TAFA2: variants seen among roughly 807,000 people sequenced by gnomAD.
The protein encoded by TAFA2 is TAFA chemokine like family member 2.
A neutral mutation model predicts 18.8 loss-of-function variants in TAFA2; 7 were observed. The ratio of observed to expected loss-of-function variants is 0.37; its 90% confidence interval spans 0.21 to 0.70. The LOEUF is 0.70. TAFA2 is among the 30% of genes least tolerant of loss of function. The pLI is 0.53. For missense variants in TAFA2, 122 were observed against 158.1 expected (o/e 0.77, Z 1.23); for synonymous variants, 60 against 54.2 (o/e 1.11, Z -0.47).
chr12:62,018,314 A>C (rs896376822), intron 1 of TAFA2, among the ~76,000 whole-genome samples: 2 of 152,222 alleles, frequency 1.3e-5, no homozygotes, highest in Non-Finnish European at 2.9e-5. Context: ...CCCCAGTATT[A>C]TTATTCTCCT....
intron 2 of TAFA2, among the ~76,000 whole-genome samples, chr12:61,761,865 T>C (rs1869562701): frequency 6.6e-6 from 1 of 152,076 alleles, no homozygotes; most frequent in South Asian, 2.1e-4. Context: ...ATGCTGAAGA[T>C]GGGTCCTGGT....
intron 1 of TAFA2, among the ~76,000 whole-genome samples, chr12:62,016,906 C>A (rs764067748): frequency 6.6e-6 from 1 of 152,160 alleles, no homozygotes; most frequent in South Asian, 2.1e-4. Flanking sequence ...ACATGTAGAG[C>A]AGGGGAGTTG....
At chr12:61,779,091 A>G (rs1870395257) in intron 2 of TAFA2, among the ~76,000 whole-genome samples, 1 of 151,806 alleles carries the variant, frequency 6.6e-6, no homozygotes, top group Non-Finnish European at 1.5e-5. Context: ...AACAAACCAC[A>G]TTTATCATCA....
At chr12:61,962,302 C>T (rs779672230) in intron 1 of TAFA2, among the ~76,000 whole-genome samples, 8 of 152,092 alleles carry the variant, frequency 5.3e-5, no homozygotes, top group East Asian at 1.9e-4. Context: ...TTATTTTATA[C>T]ATTAAAGGCT....
chr12:62,103,459 G>A lies in TAFA2; in HGVS notation c.-2+87800C>T, dbSNP rs866374485. Among the ~76,000 whole-genome samples, 76 of 152,030 alleles carry A rather than the reference G, an allele frequency of 5.0e-4. 1 individual carries two copies. The highest frequency in any genetic ancestry group is 1.4e-3 in the African/African-American group (59 of 41,464). On this transcript the variant is annotated intron_variant, in intron 1 of 4. Coordinates refer to ENST00000416284, the MANE Select transcript of TAFA2 (RefSeq NM_178539.5). ...GGCTTATTAAAGACTACATGCTTCC[G>A]GCCAGGCATGGTGGCTCACACCTGT...
chr12:62,057,947 T>C (rs1320297718), intron 1 of TAFA2, among the ~76,000 whole-genome samples: 3 of 152,228 alleles, frequency 2.0e-5, no homozygotes, highest in African/African-American at 4.8e-5. Context: ...TCATTATTTA[T>C]AATTTCCTTT....
chr12:61,866,185 G>A (rs1277570067), intron 2 of TAFA2, among the ~76,000 whole-genome samples: 1 of 152,074 alleles, frequency 6.6e-6, no homozygotes, highest in Non-Finnish European at 1.5e-5. Flanking sequence ...GTAGAAAACA[G>A]GATAACGAAA....
chr12:61,889,732 G>C (rs1281082273), intron 1 of TAFA2, among the ~76,000 whole-genome samples: 1 of 152,170 alleles, frequency 6.6e-6, no homozygotes, highest in Non-Finnish European at 1.5e-5. Flanking sequence ...GCTATGTTGG[G>C]AATCTTGAAA....
intron 4 of TAFA2, among the ~76,000 whole-genome samples, chr12:61,750,935 C>A (rs1365582588): frequency 6.6e-6 from 1 of 152,036 alleles, no homozygotes; most frequent in Non-Finnish European, 1.5e-5. Flanking sequence ...CTGGGACCTG[C>A]CAAATCAGGA....
In TAFA2 at chr12:61,760,631, G is replaced by T. The variant is rs1028433479; in HGVS notation, c.107-5607C>A. 2.0e-5 allele frequency among the ~76,000 whole-genome samples: 3 copies of T among 151,640 alleles called. No individual in the cohort carries two copies. In the Admixed American group the frequency reaches 2.0e-4, roughly 10 times the overall value. On this transcript the variant is annotated intron_variant, in intron 2 of 4. Transcript: ENST00000416284. ...TAAAAAGATAAAACTAATTCCTGTG[G>T]TTTTTCTTTAAAAGGTTAATGAGAC...
At chr12:61,961,876 T>A (rs891428693) in intron 1 of TAFA2, among the ~76,000 whole-genome samples, 1 of 152,056 alleles carries the variant, frequency 6.6e-6, no homozygotes, top group East Asian at 1.9e-4. Context: ...TCCTGTTGCC[T>A]ACTTAAAATA....
Position 61,754,882 on chromosome 12 carries a change from T to C in TAFA2, c.249A>G (p.Ser83=). 6.2e-7 allele frequency: 1 copy of C among 1,612,682 alleles called. No individual in the cohort carries two copies. Residue 83 remains serine (S), a synonymous_variant, in exon 3 of 5, where the codon TCA becomes TCG. Coordinates refer to ENST00000416284, the MANE Select transcript of TAFA2 (RefSeq NM_178539.5). ...TGGAAGAAGTCACACCATCCACACA[T>C]GATGGAGCAGCTCGCGTGGTGCCTG... is the stretch of plus-strand genomic sequence containing the variant. ...QVAGTTRAAP[S]CVDASIVEQK... is the part of the protein sequence containing the mutation.
intron 1 of TAFA2, among the ~76,000 whole-genome samples, chr12:62,117,800 C>T (rs1435904515): frequency 2.0e-5 from 3 of 152,046 alleles, no homozygotes; most frequent in Non-Finnish European, 4.4e-5. Flanking sequence ...AAAATAGAGC[C>T]TGCCATGCCA....
At chr12:62,147,326 GTATATATATATATATATATA>G (rs1219861920) in intron 1 of TAFA2, among the ~76,000 whole-genome samples, 11 of 19,562 alleles carry the variant, frequency 5.6e-4, no homozygotes, top group African/African-American at 1.4e-3. Flanking sequence ...GTGTATGTAT[GTATATATATATATATATATA>G]TATATATATA....
chr12:62,164,940 T>G (rs2062429028), intron 1 of TAFA2, among the ~76,000 whole-genome samples: 1 of 152,098 alleles, frequency 6.6e-6, no homozygotes, highest in African/African-American at 2.4e-5. Context: ...AATTTACAGA[T>G]GAAACCCAGA....
chr12:61,906,566 G>A (rs1022534882), intron 1 of TAFA2, among the ~76,000 whole-genome samples: 1 of 152,152 alleles, frequency 6.6e-6, no homozygotes, highest in Admixed American at 6.5e-5. Context: ...GACTAATACA[G>A]TAAATTGGTA....
At chr12:61,857,801 G>A (rs574583885) in intron 2 of TAFA2, among the ~76,000 whole-genome samples, 8 of 152,170 alleles carry the variant, frequency 5.3e-5, no homozygotes, top group African/African-American at 1.9e-4. Flanking sequence ...TATCAAAGGT[G>A]TTTCTACCCA....
intron 1 of TAFA2, among the ~76,000 whole-genome samples, chr12:61,915,493 A>T (rs12320150): frequency 0.055 from 8,342 of 152,262 alleles, 738 homozygotes; most frequent in African/African-American, 0.19. Flanking sequence ...AGAGATATTT[A>T]AAAACGGGGA....
intron 1 of TAFA2, among the ~76,000 whole-genome samples, chr12:62,043,880 G>C (rs937022425): frequency 1.3e-5 from 2 of 152,152 alleles, no homozygotes; most frequent in Non-Finnish European, 2.9e-5. Context: ...ATTGAAGGCT[G>C]TATTAACAAT....
Sources: allele counts gnomAD v4.1 joint callset (sites outside exome capture counted in the v4.1 genomes callset), GRCh38; gene constraint gnomAD v4.1.1; transcripts MANE v1.5; gene names NCBI Gene and HGNC (gene_info 2026-07-23, HGNC 2026-07-21).